Variants in SMPDL3A observed in about 807,000 individuals in gnomAD.
SMPDL3A encodes the protein cyclic GMP-AMP phosphodiesterase SMPDL3A.
In SMPDL3A, 39 loss-of-function variants were observed where a neutral mutation model predicts 38.5. That is an observed-to-expected ratio of 1.01 (90% CI 0.78 to 1.32). The LOEUF (loss-of-function observed/expected upper bound fraction) is 1.32. Among genes scored for constraint, SMPDL3A ranks in the 40% most tolerant of loss-of-function variants. SMPDL3A has a pLI of 0.00. For synonymous variants in SMPDL3A, 180 were observed against 194.3 expected (o/e 0.93, Z 0.61); for missense variants, 502 against 536.2 (o/e 0.94, Z 0.63).
At position 122,789,419 on chromosome 6, in the gene SMPDL3A, G is replaced by T. The variant is rs1450298291; in HGVS notation, c.73G>T (p.Val25Leu). The T allele has an allele frequency of 1.9e-6, 3 of 1,549,324 alleles. No homozygotes were observed. The highest frequency in any genetic ancestry group is 1.7e-6 in the Non-Finnish European group (2 of 1,146,366). Residue 25 changes from valine (V) to leucine (L), a missense_variant, in exon 1 of 8, where the codon GTG becomes TTG. Transcript: ENST00000368440. ...CTGCCGCTCCGGCCTCGGGCTGCCC[G>T]TGGCGCCCGCAGGCGGCAGGAATCC... ...WHCRSGLGLP[V>L]APAGGRNPPP... is the part of the protein sequence containing the mutation.
chr6:122,801,459 T>C (rs1781428169), intron 4 of SMPDL3A, 53 bp downstream of exon 4: 2 of 1,271,908 alleles, frequency 1.6e-6, no homozygotes, highest in Admixed American at 3.4e-5. Context: ...ATTCATGTTA[T>C]TTAGACTTAA....
intron 7 of SMPDL3A, among the ~76,000 whole-genome samples, chr6:122,807,599 A>G (rs1304816625): frequency 6.6e-6 from 1 of 152,252 alleles, no homozygotes; most frequent in African/African-American, 2.4e-5. Context: ...AATTTAGCAC[A>G]AAAGACTGGC....
intron 3 of SMPDL3A, among the ~76,000 whole-genome samples, chr6:122,798,748 C>T (rs1163905636): frequency 2.6e-5 from 4 of 152,094 alleles, no homozygotes; most frequent in Non-Finnish European, 4.4e-5. Flanking sequence ...TTATCTCTGT[C>T]CTCTTTTTGT....
At chr6:122,803,016 G>A (rs1781476591) in intron 4 of SMPDL3A, among the ~76,000 whole-genome samples, 2 of 152,160 alleles carry the variant, frequency 1.3e-5, no homozygotes, top group Non-Finnish European at 2.9e-5. Flanking sequence ...AAATTAAAGG[G>A]GCAGTGATCC....
chr6:122,795,523 T>G (rs1448412299), intron 1 of SMPDL3A, among the ~76,000 whole-genome samples, 154 bp from the exon 2 acceptor site: 1 of 152,240 alleles, frequency 6.6e-6, no homozygotes, highest in African/African-American at 2.4e-5. Context: ...AGAGAAGGAC[T>G]GTATTTAACT....
intron 1 of SMPDL3A, among the ~76,000 whole-genome samples, chr6:122,792,704 G>A (rs1258395758): frequency 2.0e-5 from 3 of 150,190 alleles, no homozygotes; most frequent in African/African-American, 4.9e-5. Context: ...CCCAATCTTG[G>A]CTCACTGCAG....
intron 5 of SMPDL3A, 107 bp downstream of exon 5, chr6:122,803,940 A>T: frequency 1.1e-6 from 1 of 951,818 alleles, no homozygotes; most frequent in South Asian, 1.8e-5. Flanking sequence ...TATAATTTGA[A>T]GATTTTTTTT....
At chr6:122,798,417 G>C (rs1463661653) in intron 3 of SMPDL3A, among the ~76,000 whole-genome samples, 1 of 152,124 alleles carries the variant, frequency 6.6e-6, no homozygotes, top group Non-Finnish European at 1.5e-5. Context: ...ATAGTCACTA[G>C]AATGTAAATC....
chr6:122,809,192 T>C lies in SMPDL3A; in HGVS notation c.1146T>C (p.Asp382=). Reference sequence around the variant, plus strand: ...TGACCCAGACCTACGACATTGAAGATTTGCAGCCGGAAAGTTTATATGGAT... The same window carrying C: ...TGACCCAGACCTACGACATTGAAGACTTGCAGCCGGAAAGTTTATATGGAT... ...YILTQTYDIE[D]LQPESLYGLA... Residue 382 remains aspartate, a synonymous_variant, in exon 8 of 8, where the codon GAT becomes GAC. Transcript: ENST00000368440. The C allele has an allele frequency of 6.2e-7, 1 of 1,614,150 alleles. No individual in the cohort carries two copies. The highest frequency in any genetic ancestry group is 8.5e-7 in the Non-Finnish European group (1 of 1,180,014).
In SMPDL3A at chr6:122,796,986, T is replaced by C. The variant is rs1781271077; in HGVS notation, c.471+18T>C. On this transcript the variant is annotated intron_variant, in intron 3 of 7. Coordinates refer to ENST00000368440, the MANE Select transcript of SMPDL3A (RefSeq NM_006714.5). ...GGCCACAGGTAAATTTGATAGACTT[T>C]CAGAAATGCTTAAAGAATTTTTCCT... The C allele has an allele frequency of 1.9e-6, 3 of 1,605,570 alleles. No homozygotes were observed. In the East Asian group the frequency reaches 6.7e-5, roughly 36 times the overall value.
intron 1 of SMPDL3A, among the ~76,000 whole-genome samples, chr6:122,792,498 G>A (rs1268562018): frequency 6.6e-6 from 1 of 152,310 alleles, no homozygotes; most frequent in Non-Finnish European, 1.5e-5. Context: ...AATTATATCA[G>A]AGGGGTGTAC....
Position 122,789,330 on chromosome 6 carries a change from C to T in SMPDL3A, c.-17C>T. On this transcript the variant is annotated 5_prime_UTR_variant, in exon 1 of 8. Coordinates refer to ENST00000368440, the MANE Select transcript of SMPDL3A (RefSeq NM_006714.5). ...TGCGGGACAGCCCGAACCTCCAGGT[C>T]AGCCCCGCGGCCCTCCATGGCGCTG... 6.5e-7 allele frequency: 1 copy of T among 1,530,714 alleles called. No individual in the cohort carries two copies. The highest frequency in any genetic ancestry group is 1.2e-5 in the South Asian group (1 of 83,070). 94.8% of individuals were successfully genotyped at this position (1,530,714 alleles called of 1,614,324 possible). A position where few individuals can be genotyped will look rare whatever the true frequency, so the allele number is the denominator to read the frequency against.
At chr6:122,808,291 G>A (rs902132736) in intron 7 of SMPDL3A, among the ~76,000 whole-genome samples, 2 of 152,142 alleles carry the variant, frequency 1.3e-5, no homozygotes, top group African/African-American at 4.8e-5. Flanking sequence ...TTAATTGGTA[G>A]TGTTTGCCAA....
Position 122,801,327 on chromosome 6 carries a change from C to T in SMPDL3A, c.489C>T (p.Val163=). The part of the protein sequence containing the change: ...DYWPQDQLPV[V]TSKVYNAVAN... Reference sequence around the variant, plus strand: ...GTGGCCAGGATCAACTGCCTGTAGTCACCAGTAAAGTGTACAATGCAGTAG... The same window carrying T: ...GTGGCCAGGATCAACTGCCTGTAGTTACCAGTAAAGTGTACAATGCAGTAG... The change falls in exon 4 of 8, where the codon GTC becomes GTT. Residue 163 remains valine, a synonymous_variant. Coordinates refer to ENST00000368440, the MANE Select transcript of SMPDL3A (RefSeq NM_006714.5). 6.2e-7 allele frequency: 1 copy of T among 1,612,582 alleles called. No homozygotes were observed. Among genetic ancestry groups the T allele is most frequent in the African/African-American group, 1.3e-5 (1 of 75,026 alleles).
At position 122,789,475 on chromosome 6, in the gene SMPDL3A, C is replaced by A; in HGVS notation, c.112+17C>A. On this transcript the variant is annotated intron_variant, in intron 1 of 7. Transcript: ENST00000368440. ...CGGCGATAGGTGAGTTGTCCGCGAC[C>A]CTTCTCTTCCCAGCCGGCAAAGAGC... 6.5e-7 allele frequency: 1 copy of A among 1,534,982 alleles called. No individual in the cohort carries two copies.
chr6:122,789,589 C>G, intron 1 of SMPDL3A, 131 bp downstream of exon 1: 1 of 894,530 alleles, frequency 1.1e-6, no homozygotes, highest in South Asian at 1.6e-5. Flanking sequence ...GCCCCTGACG[C>G]GTCCGGCGTT....
intron 7 of SMPDL3A, among the ~76,000 whole-genome samples, chr6:122,808,600 TCCCTCCCTC>T (rs1562357620): frequency 5.3e-4 from 26 of 49,402 alleles, no homozygotes; most frequent in South Asian, 1.2e-3. Flanking sequence ...CCTTCCTCCC[TCCCTCCCTC>T]CCTTCCTTCC....
At chr6:122,792,860 G>A (rs190905590) in intron 1 of SMPDL3A, among the ~76,000 whole-genome samples, 19 of 152,250 alleles carry the variant, frequency 1.2e-4, no homozygotes, top group Non-Finnish European at 2.5e-4. Context: ...GAGATTACAG[G>A]CATGAGTACC....
chr6:122,794,024 AAT>A (rs143213845), intron 1 of SMPDL3A, among the ~76,000 whole-genome samples: 3 of 150,630 alleles, frequency 2.0e-5, no homozygotes, highest in Non-Finnish European at 3.0e-5. Flanking sequence ...AGGATCATTG[AAT>A]ATATATATAT....
Sources: allele counts gnomAD v4.1 joint callset (sites outside exome capture counted in the v4.1 genomes callset), GRCh38; gene constraint gnomAD v4.1.1; transcripts MANE v1.5; gene names NCBI Gene and HGNC (gene_info 2026-07-23, HGNC 2026-07-21).